The following SIPA1L2 variants were observed in gnomAD, a reference collection of about 807,000 sequenced individuals.
SIPA1L2 encodes the protein signal-induced proliferation-associated 1-like protein 2.
A neutral mutation model predicts 163.9 loss-of-function variants in SIPA1L2; 56 were observed. That is an observed-to-expected ratio of 0.34 (90% CI 0.28 to 0.43). The LOEUF (loss-of-function observed/expected upper bound fraction) is 0.43, where lower values mean the gene tolerates loss of function less well. Among genes scored for constraint, SIPA1L2 ranks in the 20% least tolerant of loss-of-function variants. SIPA1L2 has a pLI of 1.00. For synonymous variants in SIPA1L2, 877 were observed against 865.7 expected, an observed-to-expected ratio of 1.01 and a Z score of -0.23; for missense variants, 1,974 against 2,193.5, an observed-to-expected ratio of 0.90 and a Z score of 2.00.
At position 232,515,585 on chromosome 1, in the gene SIPA1L2, G is replaced by C; in HGVS notation, c.-246C>G. 2.3e-6 allele frequency: 1 copy of C among 435,038 alleles called. No homozygotes were observed. Among genetic ancestry groups the C allele is most frequent in the Non-Finnish European group, 4.0e-6 (1 of 247,900 alleles). 26.9% of individuals were successfully genotyped at this position (435,038 alleles called of 1,614,324 possible). On this transcript the variant is annotated 5_prime_UTR_variant, in exon 3 of 23. Coordinates refer to ENST00000674635, the MANE Select transcript of SIPA1L2 (RefSeq NM_020808.5). ...TCAAAAGCATTCCTTAAGACATCTGGCTGGTCATGAGTATTTCCTTCACCT... is the reference window on the plus strand; with the variant it reads ...TCAAAAGCATTCCTTAAGACATCTGCCTGGTCATGAGTATTTCCTTCACCT...
At chr1:232,566,138 G>A (rs1659389474) in intron 2 of SIPA1L2, among the ~76,000 whole-genome samples, 1 of 152,094 alleles carries the variant, frequency 6.6e-6, no homozygotes, top group Non-Finnish European at 1.5e-5. Context: ...CTAGGGCTTA[G>A]ACCACTGCTT....
chr1:232,616,987 T>A (rs77173839), intron 1 of SIPA1L2, among the ~76,000 whole-genome samples: 1 of 152,246 alleles, frequency 6.6e-6, no homozygotes, highest in African/African-American at 2.4e-5. Context: ...GGCTAATTGA[T>A]TAGTCTCCTT....
chr1:232,411,446 GTTAAC>G (rs746122575), intron 19 of SIPA1L2, among the ~76,000 whole-genome samples: 9 of 152,242 alleles, frequency 5.9e-5, no homozygotes, highest in Non-Finnish European at 8.8e-5. Context: ...TTCTTCTCAT[GTTAAC>G]TTAACCTCCT....
In SIPA1L2 at chr1:232,471,473, G is replaced by A; in HGVS notation, c.2141C>T (p.Pro714Leu). Residue 714 changes from proline to leucine, a missense_variant, in exon 8 of 23, where the codon CCT becomes CTT. Pro to Leu is a moderately conservative substitution (Grantham distance 98). Transcript: ENST00000674635. ...NDIVTIVFQE[P>L]GALPFTPKSI... ...TTTTGGAGTAAAAGGAAGTGCCCCA[G>A]GCTCCTGGAAGACGATGGTGACGAT... The A allele has an allele frequency of 1.2e-6, 2 of 1,614,102 alleles. No individual in the cohort carries two copies. The highest frequency in any genetic ancestry group is 1.7e-6 in the Non-Finnish European group (2 of 1,179,984).
In SIPA1L2 at chr1:232,613,381, C is replaced by T. The variant is rs77811122; in HGVS notation, c.-319+16488G>A. ...TTATACTGACTTTTTAGAAGGCATC[C>T]TGGTGGTAAAGCTGTACAAAGGCCC... On this transcript the variant is annotated intron_variant, in intron 1 of 22. Transcript: ENST00000674635. Among the ~76,000 whole-genome samples, 67 of 152,270 alleles carry T rather than the reference C, an allele frequency of 4.4e-4. 1 individual carries two copies. The East Asian group carries it at 0.012, about 27-fold the overall frequency.
chr1:232,531,584 G>C (rs1285178955), intron 2 of SIPA1L2, among the ~76,000 whole-genome samples: 1 of 152,198 alleles, frequency 6.6e-6, no homozygotes, highest in Non-Finnish European at 1.5e-5. Flanking sequence ...CCTGGAAAAG[G>C]TCCTGCTCTC....
chr1:232,533,552 G>A (rs973726502), intron 2 of SIPA1L2, among the ~76,000 whole-genome samples: 3 of 152,362 alleles, frequency 2.0e-5, no homozygotes, highest in Admixed American at 2.0e-4. Flanking sequence ...TAAGGTTTCA[G>A]TTGGAGCAGG....
chr1:232,401,109 GTCTCTC>G (rs146555118), intron 22 of SIPA1L2, among the ~76,000 whole-genome samples: 1 of 149,846 alleles, frequency 6.7e-6, no homozygotes, highest in Non-Finnish European at 1.5e-5. Context: ...CAGGGTCCTT[GTCTCTC>G]TCTCTCTCTC....
intron 21 of SIPA1L2, 71 bp from the exon 22 acceptor site, chr1:232,402,544 C>G (rs1427127829): frequency 4.4e-6 from 6 of 1,357,590 alleles, no homozygotes; most frequent in Non-Finnish European, 6.2e-6. Context: ...CAAGTTTTCA[C>G]TCGAAAAAAT....
At chr1:232,438,735 C>T (rs1662710949) in intron 15 of SIPA1L2, among the ~76,000 whole-genome samples, 1 of 152,248 alleles carries the variant, frequency 6.6e-6, no homozygotes, top group Non-Finnish European at 1.5e-5. Flanking sequence ...GCACATGCTG[C>T]CTTCATGGCT....
At chr1:232,623,563 G>A (rs948758482) in intron 1 of SIPA1L2, among the ~76,000 whole-genome samples, 2 of 152,036 alleles carry the variant, frequency 1.3e-5, no homozygotes, top group African/African-American at 2.4e-5. Context: ...AGCCAAGATC[G>A]CACCACTGCA....
At position 232,432,405 on chromosome 1, in the gene SIPA1L2, G is replaced by A. The variant is rs779648658; in HGVS notation, c.4098C>T (p.Ser1366=). Reference sequence around the variant, plus strand: ...TGCTGTGAGACACGATGTAGACTTTGGATGAATCCAGAGACCCACTACTTT... The same window carrying A: ...TGCTGTGAGACACGATGTAGACTTTAGATGAATCCAGAGACCCACTACTTT... ...CSKSSGSLDS[S]KVYIVSHSSG... Residue 1366 remains serine, a synonymous_variant, in exon 16 of 23, where the codon TCC becomes TCT. Coordinates refer to ENST00000674635, the MANE Select transcript of SIPA1L2 (RefSeq NM_020808.5). 28 of 1,614,112 alleles carry A rather than the reference G, an allele frequency of 1.7e-5. 1 individual carries two copies. In the South Asian group the frequency reaches 2.6e-4, roughly 15 times the overall value.
chr1:232,544,205 G>A (rs1055928478), intron 2 of SIPA1L2, among the ~76,000 whole-genome samples: 4 of 152,014 alleles, frequency 2.6e-5, no homozygotes, highest in Admixed American at 2.0e-4. Flanking sequence ...CCCACATTCT[G>A]AGACGTCTTG....
chr1:232,519,314 G>C lies in SIPA1L2; in HGVS notation c.-269-3706C>G, dbSNP rs190390506. ...GGTAGTTAATAAAACGGCCAATCCTGCCACCAGTCTCTGTCCTCTTGTGAG... is the reference window on the plus strand; with the variant it reads ...GGTAGTTAATAAAACGGCCAATCCTCCCACCAGTCTCTGTCCTCTTGTGAG... On this transcript the variant is annotated intron_variant, in intron 2 of 22. Transcript: ENST00000674635. Among the ~76,000 whole-genome samples, 146 of 152,292 alleles carry C rather than the reference G, an allele frequency of 9.6e-4. 3 individuals are homozygous for C. The East Asian group carries it at 0.026, about 27-fold the overall frequency.
rs148823553 is a variant in SIPA1L2 at position 232,518,663 on chromosome 1, C to T, written c.-269-3055G>A. Among the ~76,000 whole-genome samples the T allele has an allele frequency of 3.2e-3, 487 of 152,210 alleles. 1 individual carries two copies. The highest frequency in any genetic ancestry group is 0.01 in the African/African-American group (431 of 41,526). On this transcript the variant is annotated intron_variant, in intron 2 of 22. Coordinates refer to ENST00000674635, the MANE Select transcript of SIPA1L2 (RefSeq NM_020808.5). The stretch of plus-strand genomic sequence containing the variant: ...AACCATTCATGATCATCTCTCTCCC[C>T]GCAACTGGGTGACTCCACAACATAC...
chr1:232,557,224 C>T (rs966124875), intron 2 of SIPA1L2, among the ~76,000 whole-genome samples: 5 of 152,144 alleles, frequency 3.3e-5, no homozygotes, highest in Non-Finnish European at 7.4e-5. Flanking sequence ...ATATAACATA[C>T]AGTGAACGCC....
chr1:232,432,972 G>C (rs1662338214), intron 15 of SIPA1L2, among the ~76,000 whole-genome samples: 1 of 152,160 alleles, frequency 6.6e-6, no homozygotes, highest in East Asian at 1.9e-4. Flanking sequence ...GGAGTAAAAA[G>C]TGCATGAAAC....
chr1:232,628,167 A>C (rs1251825875), intron 1 of SIPA1L2, among the ~76,000 whole-genome samples: 1 of 152,210 alleles, frequency 6.6e-6, no homozygotes, highest in Non-Finnish European at 1.5e-5. Context: ...TGCTGCTGTT[A>C]CTGCTGAAAC....
At chr1:232,484,699 T>A (rs912092496) in intron 5 of SIPA1L2, among the ~76,000 whole-genome samples, 1 of 152,206 alleles carries the variant, frequency 6.6e-6, no homozygotes, top group Non-Finnish European at 1.5e-5. Flanking sequence ...TTGGAAGCCA[T>A]GGGACTTCCT....
Sources: gnomAD v4.1 joint callset for allele counts (sites outside exome capture counted in the v4.1 genomes callset) on GRCh38, gnomAD v4.1.1 for gene constraint, MANE v1.5 for transcripts, NCBI Gene and HGNC (gene_info 2026-07-23, HGNC 2026-07-21) for gene names.